The following XIRP2 variants were observed in gnomAD, a reference collection of about 807,000 sequenced individuals.
XIRP2 encodes xin actin-binding repeat-containing protein 2.
A neutral mutation model predicts 277.0 loss-of-function variants in XIRP2; 236 were observed. The observed-to-expected ratio is 0.85, with a 90% CI of 0.77 to 0.95. The LOEUF is 0.95. Among genes scored for constraint, XIRP2 ranks in the 40% least tolerant of loss-of-function variants. The probability of loss-of-function intolerance (pLI) is 0.00; values close to 1 mark genes in which losing one functional copy is unlikely to be tolerated. For synonymous variants in XIRP2, 1,490 were observed against 1,416.5 expected (o/e 1.05, Z -1.17); for missense variants, 4,640 against 4,157.5 (o/e 1.12, Z -3.19).
intron 2 of XIRP2, among the ~76,000 whole-genome samples, chr2:167,004,627 G>A (rs1687459156): frequency 6.6e-6 from 1 of 151,762 alleles, no homozygotes; most frequent in Non-Finnish European, 1.5e-5. Flanking sequence ...CAAGACAAAG[G>A]CATTAGAGGA....
intron 2 of XIRP2, among the ~76,000 whole-genome samples, chr2:167,004,984 C>T (rs1687468926): frequency 6.6e-6 from 1 of 151,810 alleles, no homozygotes; most frequent in Non-Finnish European, 1.5e-5. Context: ...TTCGTTATTA[C>T]TTGCCATTGA....
intron 2 of XIRP2, among the ~76,000 whole-genome samples, chr2:166,918,113 T>TA (rs1393122708): frequency 1.2e-4 from 18 of 152,338 alleles, no homozygotes; most frequent in Middle Eastern, 3.4e-3. Context: ...AGTAAATCAA[T>TA]AAGTCTGATT....
At chr2:167,073,065 AT>A (rs2105253051) in intron 2 of XIRP2, among the ~76,000 whole-genome samples, 1 of 152,292 alleles carries the variant, frequency 6.6e-6, no homozygotes, top group Admixed American at 6.5e-5. Context: ...ATTATTAAAT[AT>A]TCATTGAAAA....
intron 3 of XIRP2, among the ~76,000 whole-genome samples, chr2:167,201,809 T>G (rs1401021908): frequency 6.6e-6 from 1 of 152,198 alleles, no homozygotes. Flanking sequence ...TTCATACCCT[T>G]AATTAAAAAT....
chr2:167,169,566 G>C (rs1692624409), intron 3 of XIRP2, among the ~76,000 whole-genome samples: 1 of 152,244 alleles, frequency 6.6e-6, no homozygotes, highest in Non-Finnish European at 1.5e-5. Flanking sequence ...TCTAAGAAGA[G>C]TTGATTTTTC....
chr2:166,889,337 C>T (rs1251737267), intron 1 of XIRP2, among the ~76,000 whole-genome samples: 1 of 152,194 alleles, frequency 6.6e-6, no homozygotes, highest in African/African-American at 2.4e-5. Flanking sequence ...CGCCCCCAGA[C>T]ACCTCCCTAA....
At chr2:167,053,816 C>A (rs1558962900) in intron 2 of XIRP2, among the ~76,000 whole-genome samples, 1 of 152,052 alleles carries the variant, frequency 6.6e-6, no homozygotes, top group East Asian at 1.9e-4. Flanking sequence ...TATCAGTCAG[C>A]AAAATTGCAT....
rs531275860 is a variant in XIRP2, at chr2:167,011,000, A to C, written c.408+107110A>C. Among the ~76,000 whole-genome samples, 4 of 152,238 alleles carry C rather than the reference A, an allele frequency of 2.6e-5. No individual in the cohort carries two copies. In the South Asian group the frequency reaches 8.3e-4, roughly 32 times the overall value. On this transcript the variant is annotated intron_variant, in intron 2 of 10. Transcript: ENST00000409195. Reference sequence around the variant, plus strand: ...ACACAATGGGGTTTTCTAGATATACAATCATGTCATCTGCAAACAGGGCCA... The same window carrying C: ...ACACAATGGGGTTTTCTAGATATACCATCATGTCATCTGCAAACAGGGCCA...
intron 2 of XIRP2, among the ~76,000 whole-genome samples, chr2:166,913,749 A>T (rs1162471615): frequency 6.6e-6 from 1 of 152,216 alleles, no homozygotes; most frequent in African/African-American, 2.4e-5. Context: ...GAGAAGAATA[A>T]TTGCAGCCAT....
chr2:167,085,980 T>C (rs1689929432), intron 2 of XIRP2, among the ~76,000 whole-genome samples: 1 of 152,132 alleles, frequency 6.6e-6, no homozygotes, highest in East Asian at 1.9e-4. Flanking sequence ...TTTGATCCTG[T>C]CATTATGATG....
chr2:166,899,420 A>G (rs928650084), intron 1 of XIRP2, among the ~76,000 whole-genome samples: 4 of 152,096 alleles, frequency 2.6e-5, no homozygotes, highest in African/African-American at 9.7e-5. Context: ...AGAAAAATAG[A>G]ATGTATACTA....
intron 2 of XIRP2, among the ~76,000 whole-genome samples, chr2:167,087,297 C>T (rs530776122): frequency 2.0e-5 from 3 of 151,828 alleles, no homozygotes; most frequent in East Asian, 1.9e-4. Context: ...GCAGTCTGCC[C>T]GTTCTCAGAT....
chr2:167,207,279 T>C (rs1164901859), intron 3 of XIRP2, among the ~76,000 whole-genome samples: 1 of 152,194 alleles, frequency 6.6e-6, no homozygotes, highest in African/African-American at 2.4e-5. Context: ...CCTTTTGAAA[T>C]ATTTCTATAT....
chr2:166,976,227 T>C (rs894671195), intron 2 of XIRP2, among the ~76,000 whole-genome samples: 1 of 152,188 alleles, frequency 6.6e-6, no homozygotes, highest in African/African-American at 2.4e-5. Flanking sequence ...TCATTGTTCA[T>C]ATCTCCTTGT....
chr2:167,017,582 A>G (rs1318578603), intron 2 of XIRP2, among the ~76,000 whole-genome samples: 1 of 151,960 alleles, frequency 6.6e-6, no homozygotes, highest in African/African-American at 2.4e-5. Flanking sequence ...AATGCCAAAG[A>G]GCTAGGAGTT....
At chr2:167,091,958 C>A (rs368139962) in intron 2 of XIRP2, among the ~76,000 whole-genome samples, 5 of 152,018 alleles carry the variant, frequency 3.3e-5, no homozygotes, top group African/African-American at 7.3e-5. Flanking sequence ...ATATCAGCAG[C>A]GAACTTGAGG....
chr2:167,234,626 T>C (rs1444841388), intron 5 of XIRP2, among the ~76,000 whole-genome samples: 1 of 151,792 alleles, frequency 6.6e-6, no homozygotes, highest in Non-Finnish European at 1.5e-5. Flanking sequence ...TTTAACATTA[T>C]CAGTTTAAGA....
intron 2 of XIRP2, among the ~76,000 whole-genome samples, chr2:166,939,283 C>T (rs1480275545): frequency 6.6e-6 from 1 of 152,066 alleles, no homozygotes; most frequent in African/African-American, 2.4e-5. Context: ...TTAGGGCAGG[C>T]CTGGTGGTGA....
At chr2:166,931,154 C>T (rs543743118) in intron 2 of XIRP2, among the ~76,000 whole-genome samples, 22 of 151,934 alleles carry the variant, frequency 1.4e-4, no homozygotes, top group Admixed American at 1.1e-3. Flanking sequence ...TAGTGTAGGT[C>T]GATAGATTAT....
Sources: allele counts gnomAD v4.1 joint callset (sites outside exome capture counted in the v4.1 genomes callset), GRCh38; gene constraint gnomAD v4.1.1; transcripts MANE v1.5; gene names NCBI Gene and HGNC (gene_info 2026-07-23, HGNC 2026-07-21).